GRIK2: variants seen among roughly 807,000 people sequenced by gnomAD.
GRIK2 encodes glutamate ionotropic receptor kainate type subunit 2, also known as glutamate receptor ionotropic, kainate 2.
In GRIK2, 32 loss-of-function variants were observed where a neutral mutation model predicts 100.3. The observed-to-expected ratio is 0.32, with a 90% CI of 0.24 to 0.43. The LOEUF (loss-of-function observed/expected upper bound fraction) is 0.43. Among genes scored for constraint, GRIK2 ranks in the 20% least tolerant of loss-of-function variants. GRIK2 has a pLI of 1.00. For synonymous variants in GRIK2, 417 were observed against 389.4 expected (o/e 1.07, Z -0.83); for missense variants, 843 against 1,114.9 (o/e 0.76, Z 3.47).
intron 14 of GRIK2, among the ~76,000 whole-genome samples, chr6:102,033,230 AT>A (rs1770090882): frequency 6.7e-6 from 1 of 150,092 alleles, no homozygotes; most frequent in East Asian, 1.9e-4. Context: ...ATTAATATTT[AT>A]TTTGCTTGAA....
chr6:101,404,890 A>C (rs1775515409), intron 2 of GRIK2, among the ~76,000 whole-genome samples: 1 of 152,206 alleles, frequency 6.6e-6, no homozygotes, highest in African/African-American at 2.4e-5. Flanking sequence ...ACTAGTCTAG[A>C]TTAAACACTG....
At chr6:101,929,756 C>A (rs555118709) in intron 14 of GRIK2, among the ~76,000 whole-genome samples, 1 of 151,890 alleles carries the variant, frequency 6.6e-6, no homozygotes, top group African/African-American at 2.4e-5. Flanking sequence ...CCAATTCCCC[C>A]AAAAATAAGA....
chr6:101,396,761 A>T (rs979746933), intron 1 of GRIK2, among the ~76,000 whole-genome samples: 1 of 152,186 alleles, frequency 6.6e-6, no homozygotes, highest in African/African-American at 2.4e-5. Flanking sequence ...GTGGTCCTGA[A>T]GAAAGGTCGT....
chr6:101,920,205 T>C (rs561596520), intron 12 of GRIK2, among the ~76,000 whole-genome samples: 1 of 152,048 alleles, frequency 6.6e-6, no homozygotes, highest in Non-Finnish European at 1.5e-5. Context: ...AAGTAGTGGT[T>C]AAGCGTCTCT....
chr6:101,969,361 G>T lies in GRIK2; in HGVS notation c.2085+40729G>T, dbSNP rs536695829. 5.9e-5 allele frequency among the ~76,000 whole-genome samples: 9 copies of T among 151,776 alleles called. No homozygotes were observed. In the East Asian group the frequency reaches 1.4e-3, roughly 23 times the overall value. On this transcript the variant is annotated intron_variant, in intron 14 of 16. Coordinates refer to ENST00000369134, the MANE Select transcript of GRIK2 (RefSeq NM_021956.5). Reference sequence around the variant, plus strand: ...ATGATAAAATATTTGAATTTGTATAGCTTCAAAATATTTGTTCTATAGCCT... The same window carrying T: ...ATGATAAAATATTTGAATTTGTATATCTTCAAAATATTTGTTCTATAGCCT...
chr6:101,863,626 C>T (rs6926170), intron 11 of GRIK2, among the ~76,000 whole-genome samples: 58,922 of 151,964 alleles, frequency 0.39, 12,813 homozygotes, highest in Middle Eastern at 0.57. Context: ...GAATCTCTGA[C>T]CTACTGTCAT....
At chr6:101,945,677 C>T (rs893903955) in intron 14 of GRIK2, among the ~76,000 whole-genome samples, 3 of 152,154 alleles carry the variant, frequency 2.0e-5, no homozygotes, top group African/African-American at 7.2e-5. Context: ...ATTTCAATCA[C>T]TTTCCTAAGA....
intron 16 of GRIK2, among the ~76,000 whole-genome samples, chr6:102,060,702 A>G (rs1383864884): frequency 6.6e-6 from 1 of 150,762 alleles, no homozygotes; most frequent in Non-Finnish European, 1.5e-5. Context: ...TAAGATATCT[A>G]TACTTTTTAT....
intron 10 of GRIK2, among the ~76,000 whole-genome samples, chr6:101,857,819 A>G (rs575214909): frequency 2.6e-5 from 4 of 152,250 alleles, no homozygotes; most frequent in African/African-American, 9.6e-5. Context: ...CATAGGGCCT[A>G]ATTTGCAGAG....
intron 2 of GRIK2, among the ~76,000 whole-genome samples, chr6:101,458,033 G>A (rs1374937931): frequency 6.6e-6 from 1 of 152,010 alleles, no homozygotes; most frequent in African/African-American, 2.4e-5. Flanking sequence ...AAGACTTGTT[G>A]AAAAATAAGT....
chr6:101,851,225 GA>G (rs1381376408), intron 10 of GRIK2, among the ~76,000 whole-genome samples: 2 of 152,048 alleles, frequency 1.3e-5, no homozygotes, highest in African/African-American at 4.8e-5. Context: ...GCCTATGACA[GA>G]AGTTTTCTTA....
At chr6:101,724,536 A>G (rs1223319726) in intron 7 of GRIK2, among the ~76,000 whole-genome samples, 1 of 151,914 alleles carries the variant, frequency 6.6e-6, no homozygotes, top group Non-Finnish European at 1.5e-5. Context: ...GTCCTTTTTC[A>G]TGGCTATCTA....
chr6:101,699,219 A>T (rs561685939), intron 7 of GRIK2, among the ~76,000 whole-genome samples: 11 of 152,228 alleles, frequency 7.2e-5, no homozygotes, highest in African/African-American at 2.6e-4. Flanking sequence ...TCAAATGGTT[A>T]TCTCTGTTTA....
At chr6:101,859,889 A>G (rs1174022185) in intron 11 of GRIK2, among the ~76,000 whole-genome samples, 1 of 152,188 alleles carries the variant, frequency 6.6e-6, no homozygotes, top group Non-Finnish European at 1.5e-5. Flanking sequence ...TTTTAAAGTA[A>G]GTATTCTAAG....
intron 7 of GRIK2, among the ~76,000 whole-genome samples, chr6:101,720,092 T>A (rs115959766): frequency 0.045 from 6,460 of 142,412 alleles, 169 homozygotes; most frequent in African/African-American, 0.084. Flanking sequence ...GATGATTTCG[T>A]TTTTTTTTCT....
intron 7 of GRIK2, among the ~76,000 whole-genome samples, chr6:101,784,569 G>A (rs1779307561): frequency 6.6e-6 from 1 of 152,272 alleles, no homozygotes; most frequent in East Asian, 1.9e-4. Flanking sequence ...GAATGTTATG[G>A]CTTGGCTCTG....
chr6:102,025,377 A>C (rs1306011759), intron 14 of GRIK2, among the ~76,000 whole-genome samples: 2 of 151,308 alleles, frequency 1.3e-5, no homozygotes, highest in Non-Finnish European at 1.5e-5. Context: ...TACATAATAT[A>C]CTACCTAGTC....
At chr6:102,013,564 G>A (rs772086286) in intron 14 of GRIK2, among the ~76,000 whole-genome samples, 2 of 152,150 alleles carry the variant, frequency 1.3e-5, no homozygotes, top group Non-Finnish European at 2.9e-5. Flanking sequence ...GATGTTGGCT[G>A]TGGGTTTGTT....
intron 11 of GRIK2, among the ~76,000 whole-genome samples, chr6:101,888,458 TATTTG>T (rs1461116550): frequency 6.6e-6 from 1 of 152,160 alleles, no homozygotes; most frequent in Non-Finnish European, 1.5e-5. Context: ...ATTGATATTT[TATTTG>T]ATTTATGAAT....
Sources: gnomAD v4.1 joint callset for allele counts (sites outside exome capture counted in the v4.1 genomes callset) on GRCh38, gnomAD v4.1.1 for gene constraint, MANE v1.5 for transcripts, NCBI Gene and HGNC (gene_info 2026-07-23, HGNC 2026-07-21) for gene names.